STK39: variants seen among roughly 807,000 people sequenced by gnomAD.
STK39 encodes the protein STE20/SPS1-related proline-alanine-rich protein kinase.
A neutral mutation model predicts 77.8 loss-of-function variants in STK39; 20 were observed. The ratio of observed to expected loss-of-function variants is 0.26; its 90% CI spans 0.18 to 0.37. The LOEUF (loss-of-function observed/expected upper bound fraction) is 0.37, where lower values mean the gene tolerates loss of function less well. Ranked by LOEUF, STK39 falls within the 10% of genes least tolerant of loss-of-function variation. The pLI, the probability that STK39 is intolerant of heterozygous loss-of-function variation, is 1.00. For synonymous variants in STK39, 246 were observed against 234.1 expected, an observed-to-expected ratio of 1.05 and a Z score of -0.47; for missense variants, 479 against 656.5, an observed-to-expected ratio of 0.73 and a Z score of 2.95.
chr2:168,106,140 T>A (rs2105460733), intron 10 of STK39, among the ~76,000 whole-genome samples: 1 of 152,294 alleles, frequency 6.6e-6, no homozygotes, highest in East Asian at 1.9e-4. Context: ...TTGACTCCAG[T>A]ATGTTTTTAA....
intron 1 of STK39, among the ~76,000 whole-genome samples, chr2:168,242,768 C>A (rs1334100832): frequency 1.3e-5 from 2 of 149,862 alleles, no homozygotes; most frequent in East Asian, 3.9e-4. Flanking sequence ...TGGTTTGCAC[C>A]TATAGACCCA....
intron 2 of STK39, among the ~76,000 whole-genome samples, chr2:168,171,141 C>A (rs1039015389): frequency 6.6e-6 from 1 of 152,190 alleles, no homozygotes; most frequent in Admixed American, 6.5e-5. Context: ...GCAGCTCCAT[C>A]TGAAATGTAT....
chr2:167,990,246 A>T (rs1683666641), intron 16 of STK39, among the ~76,000 whole-genome samples: 1 of 152,112 alleles, frequency 6.6e-6, no homozygotes, highest in African/African-American at 2.4e-5. Flanking sequence ...TCCTAAGACA[A>T]ATGAAGGGCG....
intron 16 of STK39, among the ~76,000 whole-genome samples, chr2:167,970,267 C>T (rs986328738): frequency 1.3e-5 from 2 of 152,158 alleles, no homozygotes; most frequent in Non-Finnish European, 2.9e-5. Flanking sequence ...TTACCAACTC[C>T]ACATACCCAG....
chr2:168,246,774 A>C (rs1272275327), intron 1 of STK39, among the ~76,000 whole-genome samples: 1 of 152,130 alleles, frequency 6.6e-6, no homozygotes, highest in Non-Finnish European at 1.5e-5. Context: ...CTGCGCCCGC[A>C]GAGTCCCCCA....
chr2:168,235,831 C>T (rs1558889342), intron 1 of STK39, among the ~76,000 whole-genome samples: 3 of 152,112 alleles, frequency 2.0e-5, no homozygotes, highest in African/African-American at 7.2e-5. Flanking sequence ...ATATGTGCCA[C>T]ATTTTCTTAA....
chr2:168,208,188 C>T (rs937508777), intron 1 of STK39, among the ~76,000 whole-genome samples: 1 of 152,166 alleles, frequency 6.6e-6, no homozygotes, highest in African/African-American at 2.4e-5. Context: ...AAACTCTCTC[C>T]TAATCCCATT....
intron 10 of STK39, among the ~76,000 whole-genome samples, chr2:168,108,982 G>A (rs1319348641): frequency 6.6e-6 from 1 of 152,158 alleles, no homozygotes; most frequent in African/African-American, 2.4e-5. Flanking sequence ...CAATGTGTAG[G>A]TACTGTTACC....
intron 14 of STK39, among the ~76,000 whole-genome samples, chr2:168,019,386 A>G (rs1416464707): frequency 6.6e-6 from 1 of 152,214 alleles, no homozygotes; most frequent in African/African-American, 2.4e-5. Context: ...CACTGTGCCT[A>G]ATTTATAAAT....
intron 10 of STK39, among the ~76,000 whole-genome samples, chr2:168,094,363 C>T (rs186732880): frequency 1.8e-4 from 28 of 152,274 alleles, no homozygotes; most frequent in African/African-American, 6.3e-4. Flanking sequence ...TTTTTCTCCC[C>T]CTCCACACTG....
intron 1 of STK39, among the ~76,000 whole-genome samples, chr2:168,191,257 A>G (rs983484916): frequency 2.0e-5 from 3 of 152,238 alleles, no homozygotes; most frequent in African/African-American, 7.2e-5. Context: ...TAGGGGGAAA[A>G]GCTCTTTTCT....
intron 16 of STK39, among the ~76,000 whole-genome samples, chr2:167,996,499 T>C (rs1306768674): frequency 6.6e-6 from 1 of 152,196 alleles, no homozygotes; most frequent in Non-Finnish European, 1.5e-5. Context: ...CACTAATGTG[T>C]CATCTCTCAT....
intron 16 of STK39, among the ~76,000 whole-genome samples, chr2:168,007,839 CAG>C (rs1247019791): frequency 6.6e-6 from 1 of 152,014 alleles, no homozygotes; most frequent in Non-Finnish European, 1.5e-5. Flanking sequence ...AGAACCACTG[CAG>C]AGTTTTGATT....
chr2:168,189,184 C>A (rs1433302395), intron 1 of STK39, among the ~76,000 whole-genome samples: 1 of 152,186 alleles, frequency 6.6e-6, no homozygotes, highest in Non-Finnish European at 1.5e-5. Context: ...TCACCACTGA[C>A]CTGGATAAAC....
At chr2:168,122,466 G>T (rs1240163004) in intron 10 of STK39, among the ~76,000 whole-genome samples, 2 of 151,996 alleles carry the variant, frequency 1.3e-5, no homozygotes, top group African/African-American at 2.4e-5. Flanking sequence ...TTGAGATAGG[G>T]TCTTGCTCTG....
chr2:168,238,890 C>A (rs993204307), intron 1 of STK39, among the ~76,000 whole-genome samples: 2 of 152,062 alleles, frequency 1.3e-5, no homozygotes, highest in Admixed American at 1.3e-4. Context: ...TTGGTATAAT[C>A]TAAACACAAC....
At chr2:168,205,206 AAC>A (rs1689710468) in intron 1 of STK39, among the ~76,000 whole-genome samples, 1 of 152,246 alleles carries the variant, frequency 6.6e-6, no homozygotes, top group Admixed American at 6.5e-5. Flanking sequence ...ATTTTTAAAT[AAC>A]ACTGCATTCA....
At chr2:168,017,195 A>C (rs1684433125) in intron 14 of STK39, 100 bp from the exon 15 acceptor site, 1 of 682,382 alleles carries the variant, frequency 1.5e-6, no homozygotes, top group Non-Finnish European at 2.3e-6. Flanking sequence ...ACATGTGGAT[A>C]ACATTTTACA....
intron 16 of STK39, among the ~76,000 whole-genome samples, chr2:167,987,688 T>TA (rs1683595953): frequency 6.6e-6 from 1 of 152,128 alleles, no homozygotes; most frequent in Non-Finnish European, 1.5e-5. Context: ...ACCAGGCCTG[T>TA]ACTAAGCCAC....
Sources: gnomAD v4.1 joint callset for allele counts (sites outside exome capture counted in the v4.1 genomes callset) on GRCh38, gnomAD v4.1.1 for gene constraint, MANE v1.5 for transcripts, NCBI Gene and HGNC (gene_info 2026-07-23, HGNC 2026-07-21) for gene names.